The following CACNA2D3 variants were observed in gnomAD, a reference collection of about 807,000 sequenced individuals.
The protein encoded by CACNA2D3 is voltage-dependent calcium channel subunit alpha-2/delta-3.
Under a neutral mutation model 160.6 loss-of-function variants are expected in CACNA2D3, and 60 were observed. That is an observed-to-expected ratio of 0.37 (90% CI 0.30 to 0.46). CACNA2D3 has a LOEUF of 0.46. CACNA2D3 is among the 20% of genes least tolerant of loss of function. CACNA2D3 has a pLI of 1.00. For missense variants in CACNA2D3, 1,205 were observed against 1,365.0 expected (o/e 0.88, Z 1.85); for synonymous variants, 558 against 492.9 (o/e 1.13, Z -1.75).
chr3:54,852,648 C>T (rs796852755), intron 17 of CACNA2D3, among the ~76,000 whole-genome samples: 1 of 152,030 alleles, frequency 6.6e-6, no homozygotes, highest in Non-Finnish European at 1.5e-5. Flanking sequence ...GGGCAGTGCA[C>T]GTTTGTTAGT....
At chr3:54,551,118 CT>C (rs542179402) in intron 5 of CACNA2D3, among the ~76,000 whole-genome samples, 53 of 152,330 alleles carry the variant, frequency 3.5e-4, no homozygotes, top group Admixed American at 1.3e-3. Context: ...TTGGTTCCCC[CT>C]GTCCCCATTT....
At chr3:54,278,751 G>T (rs112645555) in intron 2 of CACNA2D3, among the ~76,000 whole-genome samples, 1 of 151,980 alleles carries the variant, frequency 6.6e-6, no homozygotes, top group South Asian at 2.1e-4. Context: ...ACCAAACACC[G>T]CATGTTCTCA....
intron 5 of CACNA2D3, among the ~76,000 whole-genome samples, chr3:54,517,216 C>T (rs1315255088): frequency 6.6e-6 from 1 of 152,146 alleles, no homozygotes; most frequent in East Asian, 1.9e-4. Context: ...CTTAAGTGGG[C>T]AAAAAGAGAC....
At chr3:54,619,238 C>T (rs868073973) in intron 9 of CACNA2D3, among the ~76,000 whole-genome samples, 23 of 152,310 alleles carry the variant, frequency 1.5e-4, no homozygotes, top group Middle Eastern at 3.4e-3. Context: ...TAATACGTCT[C>T]CTCTTGGAGC....
intron 35 of CACNA2D3, among the ~76,000 whole-genome samples, chr3:55,035,788 C>T (rs1373670392): frequency 6.6e-6 from 1 of 151,922 alleles, no homozygotes; most frequent in Admixed American, 6.6e-5. Context: ...AAATATATAC[C>T]CTTGAATGGT....
intron 4 of CACNA2D3, among the ~76,000 whole-genome samples, chr3:54,503,073 G>A (rs1235582981): frequency 6.6e-6 from 1 of 152,006 alleles, no homozygotes; most frequent in Non-Finnish European, 1.5e-5. Context: ...CCTTTACCCT[G>A]CTGTATTATT....
intron 35 of CACNA2D3, among the ~76,000 whole-genome samples, chr3:55,062,038 G>A (rs1704522861): frequency 6.6e-6 from 1 of 152,226 alleles, no homozygotes; most frequent in South Asian, 2.1e-4. Context: ...ATTCTGGGCT[G>A]CTTCAACCTT....
intron 11 of CACNA2D3, among the ~76,000 whole-genome samples, chr3:54,700,671 G>A (rs891670705): frequency 1.3e-5 from 2 of 152,182 alleles, no homozygotes; most frequent in African/African-American, 4.8e-5. Context: ...TCAATAACCA[G>A]TTGGTAGAAG....
At chr3:54,918,456 C>G in intron 27 of CACNA2D3, 6 of 1,604,956 alleles carry the variant, frequency 3.7e-6, no homozygotes, top group Non-Finnish European at 5.1e-6. Flanking sequence ...GAGACAAAAG[C>G]TCTCAGGCTG....
At chr3:54,571,671 T>C (rs116687657) in intron 8 of CACNA2D3, among the ~76,000 whole-genome samples, 1,551 of 143,150 alleles carry the variant, frequency 0.011, 37 homozygotes, top group African/African-American at 0.036. Context: ...TGGACACTTA[T>C]TCTTTTGCAT....
chr3:54,463,683 T>G (rs571822584), intron 4 of CACNA2D3, among the ~76,000 whole-genome samples: 1 of 152,336 alleles, frequency 6.6e-6, no homozygotes, highest in Admixed American at 6.5e-5. Context: ...AAGTTTTTAA[T>G]CAAAGTTTTT....
chr3:54,645,571 A>C (rs539754125), intron 11 of CACNA2D3, among the ~76,000 whole-genome samples: 1 of 151,862 alleles, frequency 6.6e-6, no homozygotes, highest in South Asian at 2.1e-4. Flanking sequence ...AGCCCACTTC[A>C]CTCATATGGT....
intron 2 of CACNA2D3, among the ~76,000 whole-genome samples, chr3:54,142,346 C>G (rs1283912169): frequency 1.3e-5 from 2 of 152,194 alleles, no homozygotes; most frequent in African/African-American, 4.8e-5. Context: ...TTCTTTAGTT[C>G]AGCAAAGAGC....
intron 2 of CACNA2D3, among the ~76,000 whole-genome samples, chr3:54,296,513 A>AT (rs536534114): frequency 4.7e-4 from 72 of 152,314 alleles, no homozygotes; most frequent in African/African-American, 1.6e-3. Flanking sequence ...ATTTTAAATC[A>AT]TCAAAACAGC....
At chr3:55,045,663 T>C (rs1024342555) in intron 35 of CACNA2D3, among the ~76,000 whole-genome samples, 3 of 152,236 alleles carry the variant, frequency 2.0e-5, no homozygotes, top group African/African-American at 7.2e-5. Flanking sequence ...ATCTAAGTTA[T>C]TGAATTTATG....
At chr3:54,366,069 T>C (rs2107545089) in intron 3 of CACNA2D3, among the ~76,000 whole-genome samples, 1 of 152,290 alleles carries the variant, frequency 6.6e-6, no homozygotes, top group Non-Finnish European at 1.5e-5. Flanking sequence ...GTTTACAATA[T>C]AATACAGATG....
At chr3:54,464,573 C>T (rs528570905) in intron 4 of CACNA2D3, among the ~76,000 whole-genome samples, 18 of 152,270 alleles carry the variant, frequency 1.2e-4, no homozygotes, top group South Asian at 8.3e-4. Context: ...TAGGACCCTC[C>T]GAGCCAAGTG....
chr3:54,939,874 C>T (rs9823586), intron 27 of CACNA2D3, among the ~76,000 whole-genome samples: 2 of 152,126 alleles, frequency 1.3e-5, no homozygotes, highest in Admixed American at 1.3e-4. Context: ...GCCATGCTTG[C>T]TTTAGAGCAT....
At chr3:55,066,590 G>T (rs184436690) in intron 35 of CACNA2D3, among the ~76,000 whole-genome samples, 54 of 152,246 alleles carry the variant, frequency 3.5e-4, no homozygotes, top group African/African-American at 1.3e-3. Context: ...GGAAGATAGT[G>T]TGCGGCAAAT....
Sources: allele counts gnomAD v4.1 joint callset (sites outside exome capture counted in the v4.1 genomes callset), GRCh38; gene constraint gnomAD v4.1.1; transcripts MANE v1.5; gene names NCBI Gene and HGNC (gene_info 2026-07-23, HGNC 2026-07-21).